AFG2A: variants seen among roughly 807,000 people sequenced by gnomAD.
The protein encoded by AFG2A is ATPase family gene 2 protein homolog A.
chr4:122,966,611 T>C, the AFG2A span, among the ~76,000 whole-genome samples: 2 of 152,290 alleles, frequency 1.3e-5, no homozygotes, highest in East Asian at 3.9e-4. Flanking sequence ...TGAACTTAGA[T>C]ATATGTTTCA....
chr4:123,220,318 A>G, the AFG2A span, among the ~76,000 whole-genome samples: 14 of 152,070 alleles, frequency 9.2e-5, no homozygotes, highest in Non-Finnish European at 1.9e-4. Flanking sequence ...TAATGCTTCT[A>G]ATAAAAATCT....
the AFG2A span, among the ~76,000 whole-genome samples, chr4:123,124,573 C>T: frequency 1.3e-5 from 2 of 152,042 alleles, no homozygotes; most frequent in Admixed American, 1.3e-4. Context: ...ACCAACATGG[C>T]ACATGTATAC....
the AFG2A span, among the ~76,000 whole-genome samples, chr4:123,180,741 A>T: frequency 2.0e-5 from 3 of 152,212 alleles, no homozygotes; most frequent in African/African-American, 7.2e-5. Context: ...CTTTATAAAG[A>T]AGTTTTAACT....
At chr4:122,960,160 C>T in the AFG2A span, among the ~76,000 whole-genome samples, 5 of 152,314 alleles carry the variant, frequency 3.3e-5, no homozygotes, top group African/African-American at 1.2e-4. Flanking sequence ...ACAAGCTAGA[C>T]TCTAACACAT....
the AFG2A span, among the ~76,000 whole-genome samples, chr4:122,996,189 C>T: frequency 6.6e-6 from 1 of 152,140 alleles, no homozygotes; most frequent in African/African-American, 2.4e-5. Flanking sequence ...GCTGTCCTCC[C>T]ATCTGCCTGA....
At chr4:123,063,508 A>T in the AFG2A span, among the ~76,000 whole-genome samples, 1 of 152,150 alleles carries the variant, frequency 6.6e-6, no homozygotes, top group Admixed American at 6.6e-5. Context: ...GCACTTTGGG[A>T]GGCCGAAGTG....
chr4:123,282,352 G>T, the AFG2A span, among the ~76,000 whole-genome samples: 13,499 of 152,118 alleles, frequency 0.089, 773 homozygotes, highest in Middle Eastern at 0.16. Context: ...TCACTTTCAC[G>T]TGGATAGTTA....
the AFG2A span, among the ~76,000 whole-genome samples, chr4:123,000,474 G>A: frequency 1.7e-4 from 26 of 151,446 alleles, no homozygotes; most frequent in African/African-American, 5.8e-4. Context: ...TTTGAGATAC[G>A]TCCCATCAAT....
chr4:123,259,691 T>C, the AFG2A span, among the ~76,000 whole-genome samples: 3 of 152,238 alleles, frequency 2.0e-5, no homozygotes, highest in Admixed American at 6.5e-5. Flanking sequence ...CATTTATTCA[T>C]TTATCTTTTA....
chr4:122,936,103 C>T, the AFG2A span: 1 of 1,601,230 alleles, frequency 6.2e-7, no homozygotes. Context: ...GTTACAGATT[C>T]TATGGTGAGA....
At chr4:122,937,342 T>C in the AFG2A span, among the ~76,000 whole-genome samples, 1 of 152,164 alleles carries the variant, frequency 6.6e-6, no homozygotes, top group African/African-American at 2.4e-5. Flanking sequence ...AGCACCACCA[T>C]GCCCAGCTAA....
the AFG2A span, among the ~76,000 whole-genome samples, chr4:123,291,486 C>T: frequency 6.6e-6 from 1 of 152,102 alleles, no homozygotes; most frequent in African/African-American, 2.4e-5. Context: ...TTTAGAACTC[C>T]TTTTAGCATC....
At chr4:123,152,174 C>A in the AFG2A span, among the ~76,000 whole-genome samples, 102,313 of 151,648 alleles carry the variant, frequency 0.67, 37,526 homozygotes, top group East Asian at 0.97. Flanking sequence ...AGAAATACCT[C>A]ATGTAAATGA....
the AFG2A span, chr4:123,260,114 C>T: frequency 6.6e-6 from 1 of 152,156 alleles, no homozygotes; most frequent in African/African-American, 2.4e-5. Context: ...AGGCATGCAA[C>T]TCATGATGTG....
chr4:123,165,385 G>T, the AFG2A span, among the ~76,000 whole-genome samples: 1 of 152,006 alleles, frequency 6.6e-6, no homozygotes. Context: ...TGTAAATTAT[G>T]TCTTAATAAA....
the AFG2A span, among the ~76,000 whole-genome samples, chr4:123,047,270 T>C: frequency 3.4e-3 from 512 of 152,310 alleles, 3 homozygotes; most frequent in Middle Eastern, 0.014. Flanking sequence ...CTTATTTTTG[T>C]CTTTTTGATA....
chr4:123,219,544 T>G, the AFG2A span, among the ~76,000 whole-genome samples: 3 of 152,342 alleles, frequency 2.0e-5, no homozygotes, highest in East Asian at 5.8e-4. Context: ...GTGTGCTAAG[T>G]CAGTGCAAAA....
the AFG2A span, among the ~76,000 whole-genome samples, chr4:123,282,392 T>C: frequency 6.6e-6 from 1 of 152,190 alleles, no homozygotes. Context: ...GTGGATACAG[T>C]ATGCTCTAAG....
chr4:122,955,756 C>T, the AFG2A span, among the ~76,000 whole-genome samples: 4 of 152,276 alleles, frequency 2.6e-5, no homozygotes, highest in Admixed American at 6.5e-5. Flanking sequence ...TTATAGGAAT[C>T]ACAGTTGGGA....
Sources: gnomAD v4.1 joint callset for allele counts (sites outside exome capture counted in the v4.1 genomes callset) on GRCh38, gnomAD v4.1.1 for gene constraint, MANE v1.5 for transcripts, NCBI Gene and HGNC (gene_info 2026-07-23, HGNC 2026-07-21) for gene names.